PHF21A: variants seen among roughly 807,000 people sequenced by gnomAD.
The protein encoded by PHF21A is PHD finger protein 21A.
In PHF21A, 11 loss-of-function variants were observed where a neutral mutation model predicts 82.5. The ratio of observed to expected loss-of-function variants is 0.13; its 90% CI spans 0.08 to 0.22. The LOEUF (loss-of-function observed/expected upper bound fraction) is 0.22. Ranked by LOEUF, PHF21A falls within the 10% of genes least tolerant of loss-of-function variation. PHF21A has a pLI of 1.00. For synonymous variants in PHF21A, 297 were observed against 302.8 expected, an observed-to-expected ratio of 0.98 and a Z score of 0.20; for missense variants, 579 against 837.8, an observed-to-expected ratio of 0.69 and a Z score of 3.81.
intron 1 of PHF21A, among the ~76,000 whole-genome samples, chr11:46,104,539 C>T (rs1324440003): frequency 6.6e-6 from 1 of 152,104 alleles, no homozygotes; most frequent in African/African-American, 2.4e-5. Flanking sequence ...CAAATAAGAA[C>T]TCATTAGATA....
chr11:45,936,471 A>C, intron 17 of PHF21A, 23 bp downstream of exon 17: 2 of 1,432,948 alleles, frequency 1.4e-6, no homozygotes, highest in Non-Finnish European at 1.9e-6. Context: ...CTTACAAAAA[A>C]GTGGGTATGG....
intron 6 of PHF21A, among the ~76,000 whole-genome samples, chr11:46,029,664 C>T (rs991900688): frequency 7.7e-5 from 11 of 143,244 alleles, no homozygotes; most frequent in Non-Finnish European, 1.2e-4. Context: ...CTAGAGCCTC[C>T]GTCTCAAAAA....
intron 6 of PHF21A, among the ~76,000 whole-genome samples, chr11:46,015,982 A>G (rs1163454570): frequency 6.6e-6 from 1 of 152,216 alleles, no homozygotes; most frequent in East Asian, 1.9e-4. Context: ...GTAAACACAT[A>G]AACTGATAAC....
At chr11:46,104,303 A>C (rs2097130503) in intron 1 of PHF21A, among the ~76,000 whole-genome samples, 1 of 152,216 alleles carries the variant, frequency 6.6e-6, no homozygotes, top group Non-Finnish European at 1.5e-5. Flanking sequence ...ATGAGTATTT[A>C]AGACTTGAGA....
chr11:45,949,533 A>C, intron 12 of PHF21A, 52 bp from the exon 13 acceptor site: 1 of 1,411,174 alleles, frequency 7.1e-7, no homozygotes, highest in Non-Finnish European at 1.0e-6. Flanking sequence ...GAACCTAAAA[A>C]ACTTAACTTC....
At chr11:45,960,010 T>C (rs1283560249) in intron 10 of PHF21A, among the ~76,000 whole-genome samples, 1 of 152,066 alleles carries the variant, frequency 6.6e-6, no homozygotes, top group Non-Finnish European at 1.5e-5. Flanking sequence ...TGGCTATAAA[T>C]AAAACAAAAA....
intron 1 of PHF21A, among the ~76,000 whole-genome samples, chr11:46,102,956 G>A (rs2097113456): frequency 6.6e-6 from 1 of 152,148 alleles, no homozygotes; most frequent in South Asian, 2.1e-4. Flanking sequence ...TAACAGGCAG[G>A]GGACGGAAAG....
At chr11:46,068,151 C>G (rs2096616208) in intron 6 of PHF21A, among the ~76,000 whole-genome samples, 1 of 152,112 alleles carries the variant, frequency 6.6e-6, no homozygotes, top group African/African-American at 2.4e-5. Flanking sequence ...TGCTAATGAG[C>G]TTGAATGCCT....
chr11:46,101,183 A>T (rs1240269652), intron 1 of PHF21A, among the ~76,000 whole-genome samples: 1 of 152,256 alleles, frequency 6.6e-6, no homozygotes, highest in Non-Finnish European at 1.5e-5. Flanking sequence ...TAAAAGCAGG[A>T]GTAAGAAAAG....
chr11:45,958,162 T>C (rs943355556), intron 10 of PHF21A, among the ~76,000 whole-genome samples: 1 of 151,722 alleles, frequency 6.6e-6, no homozygotes, highest in African/African-American at 2.4e-5. Flanking sequence ...CAGATGGTTT[T>C]ATTAGTGAAT....
chr11:46,022,226 G>C (rs181627396), intron 6 of PHF21A, among the ~76,000 whole-genome samples: 3 of 152,230 alleles, frequency 2.0e-5, no homozygotes, highest in Non-Finnish European at 2.9e-5. Flanking sequence ...GCCAAGGTGG[G>C]AGGACCACTT....
chr11:46,062,074 G>A (rs566228606), intron 6 of PHF21A, among the ~76,000 whole-genome samples: 33 of 151,646 alleles, frequency 2.2e-4, no homozygotes, highest in Non-Finnish European at 3.7e-4. Context: ...ATCCCTGTTT[G>A]CAACTGTTTT....
At chr11:46,016,450 T>C (rs1282668961) in intron 6 of PHF21A, among the ~76,000 whole-genome samples, 1 of 152,164 alleles carries the variant, frequency 6.6e-6, no homozygotes, top group Non-Finnish European at 1.5e-5. Flanking sequence ...CCTCTGTACC[T>C]TTGCCTTTGC....
Position 45,944,527 on chromosome 11 carries a change from G to A in PHF21A, c.1452+1313C>T, listed in dbSNP as rs79550883. Among the ~76,000 whole-genome samples the A allele has an allele frequency of 1.8e-3, 272 of 152,208 alleles. 1 individual carries two copies. The highest frequency in any genetic ancestry group is 6.0e-3 in the African/African-American group (248 of 41,518). Reference sequence around the variant, plus strand: ...GAGAACGAAAGCCACAAAGCCCTGCGCAACTGGCCCAGCCACTTCTGAGGC... The same window carrying A: ...GAGAACGAAAGCCACAAAGCCCTGCACAACTGGCCCAGCCACTTCTGAGGC... On this transcript the variant is annotated intron_variant, in intron 15 of 18. Transcript: ENST00000676320.
At chr11:46,086,279 C>T (rs1024064799) in intron 3 of PHF21A, among the ~76,000 whole-genome samples, 3 of 152,064 alleles carry the variant, frequency 2.0e-5, no homozygotes, top group African/African-American at 7.2e-5. Flanking sequence ...CCACTACACC[C>T]GGCTAATTTT....
intron 6 of PHF21A, among the ~76,000 whole-genome samples, chr11:46,075,409 G>A (rs186940287): frequency 7.9e-5 from 12 of 152,140 alleles, no homozygotes; most frequent in Non-Finnish European, 1.3e-4. Context: ...TTGGCGTCTT[G>A]TCAAACTAAC....
At chr11:45,980,618 T>C (rs2094238811) in intron 6 of PHF21A, among the ~76,000 whole-genome samples, 1 of 148,318 alleles carries the variant, frequency 6.7e-6, no homozygotes, top group Non-Finnish European at 1.5e-5. Context: ...CATCAAGCAA[T>C]CTTCTCACTT....
rs2096878026 is a variant in PHF21A at position 46,088,118 on chromosome 11, T to C, written c.-84+2337A>G. ...TCATCTGAATACCACTGGGAGGCAG[T>C]TTATAGCATCAAAAGAATTATTGGC... On this transcript the variant is annotated intron_variant, in intron 3 of 18. Coordinates refer to ENST00000676320, the MANE Select transcript of PHF21A (RefSeq NM_001352027.3). 2.6e-5 allele frequency among the ~76,000 whole-genome samples: 4 copies of C among 152,284 alleles called. No individual in the cohort carries two copies. The South Asian group carries it at 6.2e-4, about 24-fold the overall frequency.
At chr11:45,980,034 G>A (rs1333088047) in intron 6 of PHF21A, 68 bp from the exon 7 acceptor site, 3 of 1,601,760 alleles carry the variant, frequency 1.9e-6, no homozygotes, top group Non-Finnish European at 2.6e-6. Flanking sequence ...ACAGAAATAT[G>A]CTCTGACATC....
Sources: gnomAD v4.1 joint callset for allele counts (sites outside exome capture counted in the v4.1 genomes callset) on GRCh38, gnomAD v4.1.1 for gene constraint, MANE v1.5 for transcripts, NCBI Gene and HGNC (gene_info 2026-07-23, HGNC 2026-07-21) for gene names.